The following ATP10B variants were observed in gnomAD, a reference collection of about 807,000 sequenced individuals.
The protein encoded by ATP10B is phospholipid-transporting ATPase VB.
A neutral mutation model predicts 141.2 loss-of-function variants in ATP10B; 122 were observed. That is an observed-to-expected ratio of 0.86 (90% CI 0.75 to 1.00). The LOEUF (loss-of-function observed/expected upper bound fraction) is 1.00. Ranked by LOEUF, ATP10B falls within the 50% of genes least tolerant of loss-of-function variation. The pLI is 0.00. For synonymous variants in ATP10B, 685 were observed against 692.0 expected, an observed-to-expected ratio of 0.99 and a Z score of 0.16; for missense variants, 1,876 against 1,825.3, an observed-to-expected ratio of 1.03 and a Z score of -0.51.
intron 1 of ATP10B, among the ~76,000 whole-genome samples, chr5:160,802,373 C>T (rs146966983): frequency 6.6e-6 from 1 of 152,278 alleles, no homozygotes; most frequent in African/African-American, 2.4e-5. Context: ...TTCAAGCCAA[C>T]CTATATCAGT....
intron 13 of ATP10B, among the ~76,000 whole-genome samples, chr5:160,624,870 ATGTTCTCTTATT>A: frequency 6.6e-6 from 1 of 152,146 alleles, no homozygotes; most frequent in Non-Finnish European, 1.5e-5. Flanking sequence ...TGGTCACAGT[ATGTTCTCTTATT>A]AATATTTCTC....
the ATP10B span, among the ~76,000 whole-genome samples, chr5:160,883,793 A>G: frequency 6.6e-6 from 1 of 150,744 alleles, no homozygotes; most frequent in African/African-American, 2.5e-5. Context: ...AGTGTTAACA[A>G]AAGTATTCCG....
intron 8 of ATP10B, among the ~76,000 whole-genome samples, chr5:160,647,999 A>G (rs1374029086): frequency 1.3e-5 from 2 of 152,188 alleles, no homozygotes; most frequent in East Asian, 1.9e-4. Context: ...TTGGTGTAAC[A>G]TGGCTGAGCT....
At chr5:160,684,873 A>G in intron 6 of ATP10B, 1 of 702,480 alleles carries the variant, frequency 1.4e-6, no homozygotes, top group South Asian at 1.5e-5. Flanking sequence ...TGATGACTTT[A>G]TCCGATTTGT....
intron 7 of ATP10B, among the ~76,000 whole-genome samples, chr5:160,661,117 C>A (rs1487306174): frequency 6.6e-6 from 1 of 151,972 alleles, no homozygotes; most frequent in Non-Finnish European, 1.5e-5. Context: ...ACCTAGGAGG[C>A]AGAAGTTGTG....
chr5:160,827,339 A>T (rs1450744288), intron 1 of ATP10B, among the ~76,000 whole-genome samples: 1 of 152,146 alleles, frequency 6.6e-6, no homozygotes, highest in Non-Finnish European at 1.5e-5. Context: ...TAACTTTTTA[A>T]TTATAACCAG....
chr5:160,770,527 A>C (rs1240584528), intron 2 of ATP10B, among the ~76,000 whole-genome samples: 2 of 152,196 alleles, frequency 1.3e-5, no homozygotes, highest in African/African-American at 4.8e-5. Context: ...GTTATTTGAA[A>C]TATGGGTAGC....
At chr5:160,915,278 T>A in the ATP10B span, among the ~76,000 whole-genome samples, 2,545 of 151,928 alleles carry the variant, frequency 0.017, 73 homozygotes, top group African/African-American at 0.059. Context: ...CTCACAAAAA[T>A]ACAGGATGAG....
At chr5:160,895,907 C>G in the ATP10B span, among the ~76,000 whole-genome samples, 1 of 152,120 alleles carries the variant, frequency 6.6e-6, no homozygotes, top group Admixed American at 6.5e-5. Flanking sequence ...CTCAAAACCA[C>G]ACAACAAATG....
the ATP10B span, among the ~76,000 whole-genome samples, chr5:160,875,189 G>A: frequency 1.7e-5 from 2 of 117,640 alleles, no homozygotes. Flanking sequence ...GGATCTCTTG[G>A]CAGAAACCCT....
chr5:160,811,767 A>T (rs10066594), intron 1 of ATP10B, among the ~76,000 whole-genome samples: 20,372 of 151,922 alleles, frequency 0.13, 1,473 homozygotes, highest in African/African-American at 0.17. Flanking sequence ...GCCTGGGGGA[A>T]CTCATTACTC....
chr5:160,626,353 T>A (rs1758613696), intron 13 of ATP10B, among the ~76,000 whole-genome samples: 1 of 152,170 alleles, frequency 6.6e-6, no homozygotes, highest in African/African-American at 2.4e-5. Flanking sequence ...TATCATTAGA[T>A]TACACTTACT....
In ATP10B at chr5:160,688,875, C is replaced by T. The variant is rs1053215589; in HGVS notation, c.-136G>A. 1 of 985,288 alleles carries T rather than the reference C, an allele frequency of 1.0e-6. No homozygotes were observed. The highest frequency in any genetic ancestry group is 1.2e-6 in the Non-Finnish European group (1 of 829,932). The allele number at this position is 985,288 out of a possible 1,614,324, so 61.0% of individuals were successfully genotyped here. On this transcript the variant is annotated 5_prime_UTR_variant, in exon 4 of 26. Coordinates refer to ENST00000327245, the MANE Select transcript of ATP10B (RefSeq NM_025153.3). ...GCTACTGTCCAGTCAGCTGGCTTTT[C>T]TTAATCTAGATGGCTGGAGTTGGGG...
the ATP10B span, among the ~76,000 whole-genome samples, chr5:160,917,338 G>A: frequency 2.0e-5 from 3 of 149,552 alleles, no homozygotes; most frequent in South Asian, 6.4e-4. Flanking sequence ...CATGTGTGAG[G>A]GACTGTTATC....
At chr5:160,780,409 A>G (rs1770637814) in intron 2 of ATP10B, among the ~76,000 whole-genome samples, 1 of 152,192 alleles carries the variant, frequency 6.6e-6, no homozygotes, top group Admixed American at 6.5e-5. Context: ...CTAACAATGC[A>G]TTTGTTTCAG....
At chr5:160,685,937 G>A in intron 6 of ATP10B, 142 bp downstream of exon 6, 5 of 702,716 alleles carry the variant, frequency 7.1e-6, no homozygotes, top group Non-Finnish European at 1.1e-5. Flanking sequence ...CCCACTAGGG[G>A]TCGAAATCAC....
chr5:160,619,802 G>GATA (rs1758221376), intron 15 of ATP10B, among the ~76,000 whole-genome samples: 1 of 152,204 alleles, frequency 6.6e-6, no homozygotes, highest in Admixed American at 6.5e-5. Flanking sequence ...TGGGGAAAAG[G>GATA]ATAATAAAGA....
chr5:160,825,501 G>C (rs1774525807), intron 1 of ATP10B, among the ~76,000 whole-genome samples: 1 of 152,152 alleles, frequency 6.6e-6, no homozygotes, highest in African/African-American at 2.4e-5. Context: ...CCCAGCATGT[G>C]GAACTGTGAG....
chr5:160,879,610 G>C, the ATP10B span, among the ~76,000 whole-genome samples: 1 of 151,550 alleles, frequency 6.6e-6, no homozygotes, highest in Non-Finnish European at 1.5e-5. Flanking sequence ...AGGCCAAGGT[G>C]GGTGGACGGT....
Sources: allele counts gnomAD v4.1 joint callset (sites outside exome capture counted in the v4.1 genomes callset), GRCh38; gene constraint gnomAD v4.1.1; transcripts MANE v1.5; gene names NCBI Gene and HGNC (gene_info 2026-07-23, HGNC 2026-07-21).